NRG3: variants seen among roughly 807,000 people sequenced by gnomAD.
NRG3 encodes the protein pro-neuregulin-3, membrane-bound isoform.
NRG3 carries 31 observed loss-of-function variants against 66.9 expected under a neutral mutation model. That is an observed-to-expected ratio of 0.46 (90% CI 0.35 to 0.63). The LOEUF is 0.63. Ranked by LOEUF, NRG3 falls within the 20% of genes least tolerant of loss-of-function variation. The pLI is 0.00. For synonymous variants in NRG3, 393 were observed against 359.4 expected (o/e 1.09, Z -1.06); for missense variants, 910 against 878.9 (o/e 1.04, Z -0.45).
chr10:82,715,655 A>AAT (rs2056924818), intron 2 of NRG3, among the ~76,000 whole-genome samples: 1 of 152,208 alleles, frequency 6.6e-6, no homozygotes, highest in Non-Finnish European at 1.5e-5. Flanking sequence ...ATATTCTGTA[A>AAT]ATATTAGTTA....
intron 1 of NRG3, among the ~76,000 whole-genome samples, chr10:82,087,345 T>C (rs574420921): frequency 2.6e-5 from 4 of 152,248 alleles, no homozygotes; most frequent in African/African-American, 9.6e-5. Flanking sequence ...CCCGCCTCTT[T>C]TGTGAAGCTT....
intron 3 of NRG3, among the ~76,000 whole-genome samples, chr10:82,815,321 G>A (rs1052179246): frequency 2.0e-5 from 3 of 152,230 alleles, no homozygotes; most frequent in Admixed American, 1.3e-4. Flanking sequence ...GCCCAAATGT[G>A]AGACCTGGCC....
chr10:82,757,023 A>G (rs1250737991), intron 3 of NRG3, among the ~76,000 whole-genome samples: 1 of 152,030 alleles, frequency 6.6e-6, no homozygotes, highest in Non-Finnish European at 1.5e-5. Flanking sequence ...CCAAAACAAA[A>G]CAAAACTGTT....
chr10:82,461,569 G>T (rs1324372838), intron 2 of NRG3, among the ~76,000 whole-genome samples: 2 of 152,134 alleles, frequency 1.3e-5, no homozygotes, highest in African/African-American at 4.8e-5. Flanking sequence ...TTATCCATTT[G>T]AAATTGCTTA....
intron 1 of NRG3, among the ~76,000 whole-genome samples, chr10:82,271,321 G>A (rs1295261226): frequency 6.6e-6 from 1 of 151,978 alleles, no homozygotes; most frequent in Non-Finnish European, 1.5e-5. Context: ...TAATTGGGCA[G>A]GTAGTTAACT....
chr10:82,535,464 T>A (rs943835308), intron 2 of NRG3, among the ~76,000 whole-genome samples: 1 of 152,046 alleles, frequency 6.6e-6, no homozygotes, highest in African/African-American at 2.4e-5. Context: ...TTTTGGTAAG[T>A]GAACATAAAT....
chr10:82,312,649 G>T (rs771862465), intron 1 of NRG3, among the ~76,000 whole-genome samples: 1 of 152,154 alleles, frequency 6.6e-6, no homozygotes, highest in Non-Finnish European at 1.5e-5. Flanking sequence ...ATTGCAAGAT[G>T]GCACCTAGTG....
chr10:82,183,699 C>T (rs1266853891), intron 1 of NRG3, among the ~76,000 whole-genome samples: 2 of 152,044 alleles, frequency 1.3e-5, no homozygotes, highest in African/African-American at 4.8e-5. Flanking sequence ...TGTCTAGAGA[C>T]ATTTTTGGTT....
intron 2 of NRG3, among the ~76,000 whole-genome samples, chr10:82,576,818 G>T (rs2133173162): frequency 6.6e-6 from 1 of 151,784 alleles, no homozygotes; most frequent in Non-Finnish European, 1.5e-5. Flanking sequence ...GACATAATAG[G>T]TTTGTTAGTA....
chr10:82,152,276 A>G (rs1373332422), intron 1 of NRG3, among the ~76,000 whole-genome samples: 1 of 152,208 alleles, frequency 6.6e-6, no homozygotes, highest in African/African-American at 2.4e-5. Flanking sequence ...GTTTTGACAT[A>G]CTGGAAACAG....
At chr10:82,391,124 A>C (rs1364754645) in intron 2 of NRG3, among the ~76,000 whole-genome samples, 1 of 152,226 alleles carries the variant, frequency 6.6e-6, no homozygotes, top group African/African-American at 2.4e-5. Context: ...TGAAATCTAA[A>C]CATAAACGTA....
chr10:82,043,493 A>G (rs1480443065), intron 1 of NRG3, among the ~76,000 whole-genome samples: 1 of 152,032 alleles, frequency 6.6e-6, no homozygotes, highest in South Asian at 2.1e-4. Flanking sequence ...TTTAAGTTAG[A>G]AGAGTAGAAT....
At chr10:82,525,712 AAAAC>A (rs1384364615) in intron 2 of NRG3, among the ~76,000 whole-genome samples, 1 of 151,890 alleles carries the variant, frequency 6.6e-6, no homozygotes, top group Non-Finnish European at 1.5e-5. Context: ...AAACCAGAAA[AAAAC>A]AGACAGCAAG....
chr10:82,984,385 T>C (rs1406655582), intron 8 of NRG3, among the ~76,000 whole-genome samples: 1 of 152,180 alleles, frequency 6.6e-6, no homozygotes, highest in Non-Finnish European at 1.5e-5. Flanking sequence ...GTTACTTGGT[T>C]GTAAGGAAAG....
At chr10:82,307,734 A>AT (rs1377614812) in intron 1 of NRG3, among the ~76,000 whole-genome samples, 3 of 149,896 alleles carry the variant, frequency 2.0e-5, no homozygotes, top group Non-Finnish European at 4.5e-5. Flanking sequence ...GCCATGGGCC[A>AT]TTTTTCCCTC....
At chr10:82,333,176 G>T (rs142843922) in intron 1 of NRG3, among the ~76,000 whole-genome samples, 1 of 152,136 alleles carries the variant, frequency 6.6e-6, no homozygotes, top group Non-Finnish European at 1.5e-5. Flanking sequence ...TAGGTGGTCC[G>T]TAACAATGGG....
At chr10:82,734,640 G>C (rs781594024) in intron 2 of NRG3, among the ~76,000 whole-genome samples, 6 of 151,836 alleles carry the variant, frequency 4.0e-5, no homozygotes, top group Non-Finnish European at 7.4e-5. Context: ...ACTCTGCTTT[G>C]CACATGGTCT....
At chr10:82,233,279 G>A (rs1327147842) in intron 1 of NRG3, among the ~76,000 whole-genome samples, 1 of 152,090 alleles carries the variant, frequency 6.6e-6, no homozygotes, top group Admixed American at 6.6e-5. Flanking sequence ...GCAGGAGAAT[G>A]GTGTGTACCC....
intron 2 of NRG3, among the ~76,000 whole-genome samples, chr10:82,725,444 G>A (rs1191178023): frequency 6.6e-6 from 1 of 152,182 alleles, no homozygotes; most frequent in Non-Finnish European, 1.5e-5. Flanking sequence ...TATATCCCTT[G>A]TGTGGTGTAT....
Sources: allele counts gnomAD v4.1 joint callset (sites outside exome capture counted in the v4.1 genomes callset), GRCh38; gene constraint gnomAD v4.1.1; transcripts MANE v1.5; gene names NCBI Gene and HGNC (gene_info 2026-07-23, HGNC 2026-07-21).